The following STXBP5L variants were observed in gnomAD, a reference collection of about 807,000 sequenced individuals.
STXBP5L encodes syntaxin binding protein 5L, also known as syntaxin-binding protein 5-like.
Under a neutral mutation model 144.5 loss-of-function variants are expected in STXBP5L, and 65 were observed. The observed-to-expected ratio is 0.45, with a 90% CI of 0.37 to 0.55. The LOEUF (loss-of-function observed/expected upper bound fraction) is 0.55. Among genes scored for constraint, STXBP5L ranks in the 20% least tolerant of loss-of-function variants. The pLI is 0.00. For synonymous variants in STXBP5L, 505 were observed against 469.6 expected (o/e 1.08, Z -0.97); for missense variants, 1,298 against 1,405.5 (o/e 0.92, Z 1.22).
chr3:121,392,568 G>C (rs533804838), intron 22 of STXBP5L, among the ~76,000 whole-genome samples: 2 of 151,958 alleles, frequency 1.3e-5, no homozygotes, highest in African/African-American at 2.4e-5. Flanking sequence ...CTTTTATATA[G>C]CAATTGAAAG....
chr3:121,219,005 C>T (rs2048891412), intron 10 of STXBP5L, among the ~76,000 whole-genome samples: 1 of 152,028 alleles, frequency 6.6e-6, no homozygotes, highest in South Asian at 2.1e-4. Context: ...TAAAATTATT[C>T]AAGTATTCTT....
chr3:121,208,778 T>C (rs2048439439), intron 10 of STXBP5L, among the ~76,000 whole-genome samples: 1 of 152,050 alleles, frequency 6.6e-6, no homozygotes, highest in Non-Finnish European at 1.5e-5. Flanking sequence ...TTATATATAG[T>C]TTATTATACT....
chr3:121,177,461 A>C (rs2046979660), intron 9 of STXBP5L, among the ~76,000 whole-genome samples: 1 of 152,170 alleles, frequency 6.6e-6, no homozygotes, highest in South Asian at 2.1e-4. Flanking sequence ...ATTTGAATGG[A>C]CATTTCTTCA....
intron 3 of STXBP5L, among the ~76,000 whole-genome samples, chr3:120,961,348 G>A (rs1264493510): frequency 4.0e-5 from 6 of 150,710 alleles, no homozygotes; most frequent in African/African-American, 1.5e-4. Flanking sequence ...ATAGGTATAC[G>A]TGTACCATGT....
rs1188424283 is a variant in STXBP5L, at chr3:121,211,578, C to CTTTTTT, written c.956+5591_956+5596dup. On this transcript the variant is annotated intron_variant, in intron 10 of 26. Transcript: ENST00000471454. ...TCTTATTTCCTGACTTTTTTTCTTT[C>CTTTTTT]TTTTTTTTTTTTTTTTTTTGAGACA... Among the ~76,000 whole-genome samples the CTTTTTT allele has an allele frequency of 1.4e-3, 151 of 110,246 alleles. 1 individual carries two copies. The highest frequency in any genetic ancestry group is 1.7e-3 in the African/African-American group (48 of 28,410). 72.3% of individuals were successfully genotyped at this position (110,246 alleles called of 152,430 possible). A position where few individuals can be genotyped will look rare whatever the true frequency, so the allele number is the denominator to read the frequency against.
chr3:121,040,808 T>A (rs1947093689), intron 3 of STXBP5L, among the ~76,000 whole-genome samples: 1 of 152,116 alleles, frequency 6.6e-6, no homozygotes, highest in African/African-American at 2.4e-5. Flanking sequence ...TTTTCTCTCT[T>A]TCAGGGATCA....
intron 9 of STXBP5L, among the ~76,000 whole-genome samples, chr3:121,184,695 A>G (rs1354732995): frequency 6.6e-6 from 1 of 152,150 alleles, no homozygotes; most frequent in African/African-American, 2.4e-5. Context: ...CCAACATTCA[A>G]ATTCAAGAAA....
chr3:121,048,313 T>G (rs1008776455), intron 5 of STXBP5L, among the ~76,000 whole-genome samples: 3 of 152,152 alleles, frequency 2.0e-5, no homozygotes, highest in African/African-American at 7.2e-5. Flanking sequence ...GAGAATCTAA[T>G]TATGTGTCTT....
chr3:121,070,612 G>C (rs1290418891), intron 5 of STXBP5L, among the ~76,000 whole-genome samples: 5 of 152,204 alleles, frequency 3.3e-5, no homozygotes, highest in South Asian at 2.1e-4. Context: ...CTTCTTGAGT[G>C]GGTACATACC....
intron 22 of STXBP5L, among the ~76,000 whole-genome samples, chr3:121,393,057 A>G (rs112971962): frequency 0.014 from 2,197 of 152,048 alleles, 48 homozygotes; most frequent in African/African-American, 0.049. Context: ...AATACTGTAT[A>G]AGCGTTCCCT....
chr3:121,324,507 A>G, intron 20 of STXBP5L: 1 of 697,596 alleles, frequency 1.4e-6, no homozygotes, highest in Non-Finnish European at 2.6e-6. Flanking sequence ...TGCTACCAGA[A>G]CCCCTGAGTC....
intron 20 of STXBP5L, among the ~76,000 whole-genome samples, chr3:121,341,257 T>C (rs1470653945): frequency 1.3e-5 from 2 of 152,150 alleles, no homozygotes; most frequent in Non-Finnish European, 2.9e-5. Flanking sequence ...CAGGTTTATG[T>C]GCTCAACAAG....
At chr3:121,194,121 A>T (rs2679284) in intron 9 of STXBP5L, among the ~76,000 whole-genome samples, 74,238 of 151,878 alleles carry the variant, frequency 0.49, 18,603 homozygotes, top group East Asian at 0.73. Context: ...AACCATCACC[A>T]AATCAATGTT....
At chr3:121,395,753 A>G (rs1341558469) in intron 22 of STXBP5L, among the ~76,000 whole-genome samples, 1 of 152,190 alleles carries the variant, frequency 6.6e-6, no homozygotes, top group African/African-American at 2.4e-5. Context: ...CCATTAAATT[A>G]CTCATTGTGA....
intron 20 of STXBP5L, among the ~76,000 whole-genome samples, chr3:121,368,770 G>A (rs763074269): frequency 6.6e-6 from 1 of 151,982 alleles, no homozygotes; most frequent in Non-Finnish European, 1.5e-5. Context: ...GATATGTGTG[G>A]TCATTTTCTA....
chr3:121,313,900 G>A (rs1472828658), intron 19 of STXBP5L, among the ~76,000 whole-genome samples: 9 of 146,066 alleles, frequency 6.2e-5, no homozygotes, highest in Non-Finnish European at 1.1e-4. Context: ...GGGCAGAGAC[G>A]CTCCTCACCT....
intron 5 of STXBP5L, among the ~76,000 whole-genome samples, chr3:121,112,395 C>T (rs1485972410): frequency 1.3e-5 from 2 of 152,110 alleles, no homozygotes; most frequent in Non-Finnish European, 2.9e-5. Context: ...AGTGGGAGTT[C>T]CCCTTGTTAC....
At chr3:120,999,547 A>C (rs900964637) in intron 3 of STXBP5L, among the ~76,000 whole-genome samples, 9 of 152,172 alleles carry the variant, frequency 5.9e-5, no homozygotes, top group Non-Finnish European at 8.8e-5. Context: ...GTGCCTTTAA[A>C]ATGAGTCATT....
chr3:120,941,178 A>G (rs768150851), intron 2 of STXBP5L, among the ~76,000 whole-genome samples: 3 of 151,784 alleles, frequency 2.0e-5, no homozygotes, highest in Non-Finnish European at 3.0e-5. Flanking sequence ...TTTGATAAAA[A>G]TAAGTAGTAT....
Sources: gnomAD v4.1 joint callset for allele counts (sites outside exome capture counted in the v4.1 genomes callset) on GRCh38, gnomAD v4.1.1 for gene constraint, MANE v1.5 for transcripts, NCBI Gene and HGNC (gene_info 2026-07-23, HGNC 2026-07-21) for gene names.